Variants in RPF2 observed in about 807,000 individuals in gnomAD.
RPF2 encodes the protein ribosome production factor 2 homolog.
Under a neutral mutation model 38.9 loss-of-function variants are expected in RPF2, and 21 were observed. The ratio of observed to expected loss-of-function variants is 0.54; its 90% CI spans 0.38 to 0.78. RPF2 has a LOEUF of 0.78. RPF2 is among the 30% of genes least tolerant of loss of function. RPF2 has a pLI of 0.00. For synonymous variants in RPF2, 121 were observed against 126.2 expected (o/e 0.96, Z 0.28); for missense variants, 314 against 358.1 (o/e 0.88, Z 0.99).
intron 2 of RPF2, among the ~76,000 whole-genome samples, chr6:110,985,945 A>T (rs1771517899): frequency 6.6e-6 from 1 of 151,842 alleles, no homozygotes; most frequent in Admixed American, 6.6e-5. Context: ...CAAAAAAAAA[A>T]AAAAAAAATC....
chr6:111,007,976 A>G, intron 6 of RPF2, 62 bp from the exon 7 acceptor site: 1 of 1,452,104 alleles, frequency 6.9e-7, no homozygotes, highest in Non-Finnish European at 9.1e-7. Flanking sequence ...AAAAAACAAA[A>G]TCAATATATA....
intron 6 of RPF2, among the ~76,000 whole-genome samples, chr6:111,004,373 A>C (rs1207647894): frequency 6.7e-6 from 1 of 149,564 alleles, no homozygotes; most frequent in African/African-American, 2.5e-5. Context: ...TAGTAGAGAC[A>C]GAGTTTCACT....
Position 111,000,231 on chromosome 6 carries a change from A to G in RPF2, c.393+444A>G, listed in dbSNP as rs376672057. Reference sequence around the variant, plus strand: ...AGCAATTCTCCTACCTCAACCCCCAAGTAGCTGGGACTACAGGCACATGCC... The same window carrying G: ...AGCAATTCTCCTACCTCAACCCCCAGGTAGCTGGGACTACAGGCACATGCC... On this transcript the variant is annotated intron_variant, in intron 6 of 9. Coordinates refer to ENST00000441448, the MANE Select transcript of RPF2 (RefSeq NM_032194.3). Among the ~76,000 whole-genome samples the G allele has an allele frequency of 1.7e-3, 265 of 152,144 alleles. 1 individual carries two copies. The highest frequency in any genetic ancestry group is 6.1e-3 in the African/African-American group (253 of 41,484).
intron 4 of RPF2, among the ~76,000 whole-genome samples, chr6:110,995,430 A>G (rs1207259895): frequency 6.6e-6 from 1 of 152,176 alleles, no homozygotes; most frequent in African/African-American, 2.4e-5. Flanking sequence ...CTGGTTGTGG[A>G]CAGGCCAGGT....
chr6:111,018,877 G>A (rs1772177956), intron 8 of RPF2, among the ~76,000 whole-genome samples: 2 of 152,250 alleles, frequency 1.3e-5, no homozygotes, highest in South Asian at 2.1e-4. Context: ...GTAGATGACT[G>A]TTATTTAGAG....
At chr6:111,016,430 T>TA (rs796986369) in intron 8 of RPF2, among the ~76,000 whole-genome samples, 21 of 151,756 alleles carry the variant, frequency 1.4e-4, no homozygotes, top group African/African-American at 2.9e-4. Context: ...CCATCTCTAC[T>TA]AAAAAAAACC....
At chr6:111,001,039 C>T (rs1047108880) in intron 6 of RPF2, among the ~76,000 whole-genome samples, 5 of 152,068 alleles carry the variant, frequency 3.3e-5, no homozygotes, top group South Asian at 2.1e-4. Context: ...AACTTTATCC[C>T]GTGAGTTTGG....
intron 8 of RPF2, among the ~76,000 whole-genome samples, chr6:111,016,683 C>CTTTT (rs1397812113): frequency 7.6e-5 from 8 of 105,942 alleles, no homozygotes; most frequent in African/African-American, 2.8e-4. Flanking sequence ...TTTTTTTTTT[C>CTTTT]TTTCTTTTTT....
rs1771946220 is a variant in RPF2 at position 111,008,046 on chromosome 6, A to G, written c.402A>G (p.Lys134=). ...FVSLKDIKNS[K]CPEGTKPMLI... is the part of the protein sequence containing the mutation. ...TTTTTTTTTTTTTTTAGAACAGTAA[A>G]TGTCCTGAGGGAACAAAACCCATGC... The change falls in exon 7 of 10, where the codon AAA becomes AAG. Residue 134 remains lysine (K), a synonymous_variant. Coordinates refer to ENST00000441448, the MANE Select transcript of RPF2 (RefSeq NM_032194.3). The G allele has an allele frequency of 6.3e-7, 1 of 1,578,156 alleles. No homozygotes were observed. The highest frequency in any genetic ancestry group is 1.2e-5 in the South Asian group (1 of 83,348).
At chr6:111,015,891 C>T (rs953220212) in intron 8 of RPF2, 35 bp downstream of exon 8, 1 of 1,446,860 alleles carries the variant, frequency 6.9e-7, no homozygotes, top group Admixed American at 1.7e-5. Context: ...TCTTAATCCT[C>T]AGGGTTAGTG....
intron 4 of RPF2, 133 bp downstream of exon 4, chr6:110,991,919 TG>T (rs2114300000): frequency 2.9e-6 from 1 of 348,022 alleles, no homozygotes; most frequent in African/African-American, 2.1e-5. Flanking sequence ...TTGTGTAAAA[TG>T]GAGAGGAAAT....
chr6:111,014,666 C>T (rs1203107710), intron 7 of RPF2, among the ~76,000 whole-genome samples: 1 of 152,156 alleles, frequency 6.6e-6, no homozygotes, highest in Non-Finnish European at 1.5e-5. Flanking sequence ...TTATCTTAGC[C>T]AAATGTTATT....
chr6:110,989,112 T>G (rs1202869327), intron 3 of RPF2, 47 bp downstream of exon 3: 3 of 1,465,318 alleles, frequency 2.0e-6, no homozygotes, highest in Non-Finnish European at 2.7e-6. Context: ...TTTGTTTCAT[T>G]ATAAAAGTAA....
intron 4 of RPF2, among the ~76,000 whole-genome samples, chr6:110,994,356 G>A (rs1332743166): frequency 1.3e-5 from 2 of 152,018 alleles, no homozygotes; most frequent in African/African-American, 4.8e-5. Context: ...AGGATGAAGT[G>A]GGAGGATTGC....
chr6:111,022,044 C>T (rs534610082), intron 8 of RPF2, among the ~76,000 whole-genome samples: 9 of 152,178 alleles, frequency 5.9e-5, no homozygotes, highest in South Asian at 4.1e-4. Flanking sequence ...TATTTATATC[C>T]GTTGGGAAAT....
At position 111,024,426 on chromosome 6, in the gene RPF2, A is replaced by G. The variant is rs950498790; in HGVS notation, c.741+99A>G. 5 of 1,215,990 alleles carry G rather than the reference A, an allele frequency of 4.1e-6. 1 individual carries two copies. In the Admixed American group the frequency reaches 1.1e-4, roughly 28 times the overall value. 75.3% of individuals were successfully genotyped at this position (1,215,990 alleles called of 1,614,324 possible). On this transcript the variant is annotated intron_variant, in intron 9 of 9. Coordinates refer to ENST00000441448, the MANE Select transcript of RPF2 (RefSeq NM_032194.3). ...TTGTGGCATATTATATTAAAAGACAAGGACAGGCCAGGCGCGGTGGCTCAC... is the reference window on the plus strand; with the variant it reads ...TTGTGGCATATTATATTAAAAGACAGGGACAGGCCAGGCGCGGTGGCTCAC...
Position 111,026,755 on chromosome 6 carries a change from G to A in RPF2, c.*1173G>A, listed in dbSNP as rs887341055. ...CTAGTATTGCATACTTGTTTTTCTGGAATAGGGTGTTAAGTTCCTTGATTC... is the reference window on the plus strand; with the variant it reads ...CTAGTATTGCATACTTGTTTTTCTGAAATAGGGTGTTAAGTTCCTTGATTC... On this transcript the variant is annotated 3_prime_UTR_variant, in exon 10 of 10. Coordinates refer to ENST00000441448, the MANE Select transcript of RPF2 (RefSeq NM_032194.3). 5 of 152,164 alleles carry A rather than the reference G, an allele frequency of 3.3e-5. No individual in the cohort carries two copies. The highest frequency in any genetic ancestry group is 7.4e-5 in the Non-Finnish European group (5 of 68,012). 9.4% of individuals were successfully genotyped at this position (152,164 alleles called of 1,614,324 possible).
chr6:110,987,670 C>A (rs763569954), intron 2 of RPF2, among the ~76,000 whole-genome samples: 1 of 152,220 alleles, frequency 6.6e-6, no homozygotes, highest in Non-Finnish European at 1.5e-5. Context: ...CAAGAATCAT[C>A]AAAAGTTTTA....
In RPF2 at chr6:111,028,045, T is replaced by A. The variant is rs1772365036; in HGVS notation, c.*2463T>A. ...GTTTTGGTAGATGAGGAAAGCATTT[T>A]GGTTATTTGTTTTGTTTTAAATACC... On this transcript the variant is annotated 3_prime_UTR_variant, in exon 10 of 10. Transcript: ENST00000441448. 1.3e-5 allele frequency: 2 copies of A among 152,230 alleles called. No individual in the cohort carries two copies. Among genetic ancestry groups the A allele is most frequent in the African/African-American group, 4.8e-5 (2 of 41,462 alleles). 9.4% of individuals were successfully genotyped at this position (152,230 alleles called of 1,614,324 possible). A position where few individuals can be genotyped will look rare whatever the true frequency, so the allele number is the denominator to read the frequency against.
Sources: gnomAD v4.1 joint callset for allele counts (sites outside exome capture counted in the v4.1 genomes callset) on GRCh38, gnomAD v4.1.1 for gene constraint, MANE v1.5 for transcripts, NCBI Gene and HGNC (gene_info 2026-07-23, HGNC 2026-07-21) for gene names.